The following NCOR1 variants were observed in gnomAD, a reference collection of about 807,000 sequenced individuals.
NCOR1 encodes the protein nuclear receptor corepressor 1.
Under a neutral mutation model 288.1 loss-of-function variants are expected in NCOR1, and 63 were observed. The ratio of observed to expected loss-of-function variants is 0.22; its 90% CI spans 0.18 to 0.27. The LOEUF is 0.27. NCOR1 is among the 10% of genes least tolerant of loss of function. NCOR1 has a pLI of 1.00. For missense variants in NCOR1, 2,397 were observed against 3,019.2 expected (o/e 0.79, Z 4.83); for synonymous variants, 1,007 against 1,065.9 (o/e 0.94, Z 1.08).
intron 1 of NCOR1, among the ~76,000 whole-genome samples, chr17:16,197,263 G>A (rs573128945): frequency 7.6e-4 from 116 of 151,854 alleles, no homozygotes; most frequent in Non-Finnish European, 1.3e-3. Context: ...AGAGGTTGCA[G>A]TGAGCCAAGA....
chr17:16,189,628 T>C (rs1208912269), intron 2 of NCOR1, among the ~76,000 whole-genome samples: 4 of 152,062 alleles, frequency 2.6e-5, no homozygotes, highest in African/African-American at 7.2e-5. Context: ...GAGACAGGAT[T>C]CTGAAAAATA....
At chr17:16,089,648 A>G (rs2064855743) in intron 22 of NCOR1, among the ~76,000 whole-genome samples, 3 of 152,152 alleles carry the variant, frequency 2.0e-5, no homozygotes, top group African/African-American at 7.2e-5. Context: ...GACTGTACCA[A>G]TATTTGGTGA....
chr17:16,058,725 A>C, intron 37 of NCOR1, 126 bp from the exon 38 acceptor site: 1 of 1,018,608 alleles, frequency 9.8e-7, no homozygotes, highest in Non-Finnish European at 1.4e-6. Context: ...CAGGTTAATG[A>C]GGGTTTTCTG....
At chr17:16,152,451 G>A (rs1360910787) in intron 7 of NCOR1, among the ~76,000 whole-genome samples, 1 of 152,142 alleles carries the variant, frequency 6.6e-6, no homozygotes, top group Non-Finnish European at 1.5e-5. Flanking sequence ...ATGGTTTCCA[G>A]CTTCATCCAT....
At chr17:16,212,712 T>G (rs550827986) in intron 1 of NCOR1, among the ~76,000 whole-genome samples, 1 of 152,278 alleles carries the variant, frequency 6.6e-6, no homozygotes, top group South Asian at 2.1e-4. Flanking sequence ...CAAAGGCCTT[T>G]GCCTTCTACA....
chr17:16,098,426 T>G lies in NCOR1; in HGVS notation c.2761A>C (p.Lys921Gln). 6.2e-7 allele frequency: 1 copy of G among 1,614,142 alleles called. No individual in the cohort carries two copies. The highest frequency in any genetic ancestry group is 8.5e-7 in the Non-Finnish European group (1 of 1,180,010). The change falls in exon 21 of 46, where the codon AAA becomes CAA. Residue 921 changes from lysine (K) to glutamine (Q), a missense_variant. Transcript: ENST00000268712. The part of the protein sequence containing the change: ...TGSILVSSPL[K>Q]PNPLDLPQLQ... ...TGTGGCAGATCCAGTGGATTTGGTTTTAACGGAGATGAGACGAGTATAGAT... is the reference window on the plus strand; with the variant it reads ...TGTGGCAGATCCAGTGGATTTGGTTGTAACGGAGATGAGACGAGTATAGAT...
intron 1 of NCOR1, among the ~76,000 whole-genome samples, chr17:16,196,804 A>G (rs1039458912): frequency 1.4e-5 from 2 of 147,802 alleles, no homozygotes; most frequent in Non-Finnish European, 3.0e-5. Context: ...CAGCCTGGGC[A>G]ACAGAGCAAG....
chr17:16,053,639 A>G (rs902408626), intron 40 of NCOR1, among the ~76,000 whole-genome samples: 21 of 152,242 alleles, frequency 1.4e-4, no homozygotes, highest in Admixed American at 1.2e-3. Flanking sequence ...CACAAATTCA[A>G]TGCTATTCCT....
intron 29 of NCOR1, 124 bp downstream of exon 29, chr17:16,072,021 C>G (rs530974131): frequency 4.0e-6 from 3 of 748,592 alleles, no homozygotes; most frequent in Non-Finnish European, 6.3e-6. Flanking sequence ...AAGTAATAAC[C>G]AAGACTTTAA....
rs2152907752 is a variant in NCOR1 at position 16,091,929 on chromosome 17, C to A, written c.2950G>T (p.Asp984Tyr). The A allele has an allele frequency of 1.9e-6, 3 of 1,614,238 alleles. No individual in the cohort carries two copies. The highest frequency in any genetic ancestry group is 1.7e-6 in the Non-Finnish European group (2 of 1,180,040). The part of the protein sequence containing the change: ...EEQRQRQEQI[D>Y]LECRSSTSPC... ...CTTGTAGAACTTCTACATTCCAAAT[C>A]TATCTGTTCTTGTCTCTGCCGCTGC... Residue 984 changes from aspartate to tyrosine, a missense_variant, in exon 22 of 46, where the codon GAT becomes TAT. Physicochemically the swap from Asp to Tyr is radical, Grantham distance 160. Coordinates refer to ENST00000268712, the MANE Select transcript of NCOR1 (RefSeq NM_006311.4).
chr17:16,049,064 T>A, intron 40 of NCOR1, 76 bp from the exon 41 acceptor site: 1 of 1,403,500 alleles, frequency 7.1e-7, no homozygotes, highest in East Asian at 2.5e-5. Flanking sequence ...ACTTGTTAAC[T>A]CATGACTTCA....
intron 11 of NCOR1, 55 bp from the exon 12 acceptor site, chr17:16,139,241 G>A: frequency 6.7e-7 from 1 of 1,489,866 alleles, no homozygotes; most frequent in Non-Finnish European, 9.2e-7. Flanking sequence ...AATTTAAGGA[G>A]GGCCATGGAC....
At chr17:16,059,364 G>A (rs1414550515) in intron 37 of NCOR1, among the ~76,000 whole-genome samples, 1 of 152,088 alleles carries the variant, frequency 6.6e-6, no homozygotes, top group Non-Finnish European at 1.5e-5. Flanking sequence ...TCAAATAAAT[G>A]GAGTATTGCT....
At chr17:16,056,071 A>AT (rs565027135) in intron 40 of NCOR1, among the ~76,000 whole-genome samples, 41 of 147,160 alleles carry the variant, frequency 2.8e-4, no homozygotes, top group Non-Finnish European at 4.2e-4. Flanking sequence ...TTCCACAATA[A>AT]TTTTTTTTTT....
chr17:16,110,104 C>T (rs1370417039), intron 18 of NCOR1, among the ~76,000 whole-genome samples: 1 of 152,118 alleles, frequency 6.6e-6, no homozygotes, highest in African/African-American at 2.4e-5. Context: ...TCTATAATCC[C>T]AGCACTTTGG....
In NCOR1 at chr17:16,095,091, C is replaced by A. The variant is rs1431769699; in HGVS notation, c.2821-3033G>T. Among the ~76,000 whole-genome samples, 14 of 151,602 alleles carry A rather than the reference C, an allele frequency of 9.2e-5. No homozygotes were observed. In the South Asian group the frequency reaches 1.0e-3, roughly 11 times the overall value. On this transcript the variant is annotated intron_variant, in intron 21 of 45. Coordinates refer to ENST00000268712, the MANE Select transcript of NCOR1 (RefSeq NM_006311.4). ...GTCTGGAAAGTGAGGAGCGTCTCTG[C>A]CCGGCCGCCATCCCACCTGGGAAGT... is the stretch of plus-strand genomic sequence containing the variant.
intron 18 of NCOR1, among the ~76,000 whole-genome samples, chr17:16,114,784 A>G (rs529844630): frequency 6.6e-6 from 1 of 152,326 alleles, no homozygotes; most frequent in Non-Finnish European, 1.5e-5. Context: ...TTTGCAGGGA[A>G]CAGCCTCCTT....
intron 3 of NCOR1, among the ~76,000 whole-genome samples, chr17:16,177,008 T>C (rs1217626120): frequency 6.6e-6 from 1 of 152,064 alleles, no homozygotes; most frequent in South Asian, 2.1e-4. Flanking sequence ...CATGTTCTTA[T>C]AGTATACTGG....
At chr17:16,070,122 A>G in intron 31 of NCOR1, 43 bp downstream of exon 31, 1 of 1,493,546 alleles carries the variant, frequency 6.7e-7, no homozygotes, top group Non-Finnish European at 8.9e-7. Context: ...TTTTTTTTTA[A>G]ATGCAATAAA....
Sources: gnomAD v4.1 joint callset for allele counts (sites outside exome capture counted in the v4.1 genomes callset) on GRCh38, gnomAD v4.1.1 for gene constraint, MANE v1.5 for transcripts, NCBI Gene and HGNC (gene_info 2026-07-23, HGNC 2026-07-21) for gene names.